NBEA: variants seen among roughly 807,000 people sequenced by gnomAD.
NBEA encodes lysosomal-trafficking regulator 2.
A neutral mutation model predicts 343.4 loss-of-function variants in NBEA; 44 were observed. That is an observed-to-expected ratio of 0.13 (90% confidence interval 0.10 to 0.16). The LOEUF (loss-of-function observed/expected upper bound fraction) is 0.16. Among genes scored for constraint, NBEA ranks in the 10% least tolerant of loss-of-function variants. The pLI is 1.00. For missense variants in NBEA, 2,555 were observed against 3,631.3 expected (o/e 0.70, Z 7.62); for synonymous variants, 1,175 against 1,238.7 (o/e 0.95, Z 1.08).
intron 38 of NBEA, among the ~76,000 whole-genome samples, chr13:35,365,385 T>C (rs1354627544): frequency 6.6e-6 from 1 of 151,728 alleles, no homozygotes; most frequent in Non-Finnish European, 1.5e-5. Flanking sequence ...AACTGCTCCT[T>C]GGCTTACAAA....
At chr13:35,214,720 G>C (rs531868142) in intron 33 of NBEA, among the ~76,000 whole-genome samples, 4 of 151,446 alleles carry the variant, frequency 2.6e-5, no homozygotes, top group African/African-American at 9.7e-5. Context: ...AAATAGTTTC[G>C]TCTTTTATGA....
intron 28 of NBEA, among the ~76,000 whole-genome samples, chr13:35,178,728 A>T (rs1039662449): frequency 1.3e-5 from 2 of 151,530 alleles, no homozygotes; most frequent in African/African-American, 4.8e-5. Flanking sequence ...ATAAATAATG[A>T]AGGTTTTTTT....
intron 1 of NBEA, among the ~76,000 whole-genome samples, chr13:34,953,079 A>C (rs565033100): frequency 3.3e-5 from 5 of 152,312 alleles, no homozygotes; most frequent in Middle Eastern, 3.4e-3. Context: ...CAGTGATAGA[A>C]TCTTTACATG....
At position 35,645,878 on chromosome 13, in the gene NBEA, G is replaced by A. The variant is rs753921685; in HGVS notation, c.7627G>A (p.Ala2543Thr). ...TTTTTTCCCCATTAAGATTCCAGAA[G>A]CTTATTTCATTAGAGACCCCCACAC... ...TDPVLREIPE[A>T]YFIRDPHTFL... Residue 2543 changes from alanine to threonine, a missense_variant, in exon 50 of 59, where the codon GCT becomes ACT. Coordinates refer to ENST00000379939, the MANE Select transcript of NBEA (RefSeq NM_001385012.1). The A allele has an allele frequency of 3.8e-6, 6 of 1,570,510 alleles. No homozygotes were observed. The highest frequency in any genetic ancestry group is 4.5e-5 in the East Asian group (2 of 44,252).
intron 36 of NBEA, among the ~76,000 whole-genome samples, chr13:35,322,755 G>T (rs1227222094): frequency 6.6e-6 from 1 of 152,104 alleles, no homozygotes; most frequent in Non-Finnish European, 1.5e-5. Context: ...TAAATAAAAT[G>T]TTATTTATCT....
chr13:35,145,566 A>G (rs2068369336), intron 18 of NBEA, among the ~76,000 whole-genome samples: 1 of 152,164 alleles, frequency 6.6e-6, no homozygotes, highest in Non-Finnish European at 1.5e-5. Context: ...TTGCCAAGGC[A>G]TTTCTGAACA....
At chr13:35,109,254 G>A (rs1274531382) in intron 11 of NBEA, 36 bp from the exon 12 acceptor site, 1 of 1,517,748 alleles carries the variant, frequency 6.6e-7, no homozygotes, top group Non-Finnish European at 8.9e-7. Context: ...TGATATTCTG[G>A]ATGTTTCAAG....
intron 34 of NBEA, among the ~76,000 whole-genome samples, chr13:35,241,857 A>G (rs765988918): frequency 2.6e-5 from 4 of 151,952 alleles, no homozygotes; most frequent in Non-Finnish European, 5.9e-5. Flanking sequence ...AACACAGTGC[A>G]GCATACATGA....
intron 39 of NBEA, among the ~76,000 whole-genome samples, chr13:35,447,466 C>T (rs1044612691): frequency 6.6e-6 from 1 of 151,090 alleles, no homozygotes; most frequent in African/African-American, 2.4e-5. Context: ...TTCTGTATTA[C>T]ATAACATTTT....
At chr13:35,495,008 CAAAAAAAAA>C (rs2076626865) in intron 41 of NBEA, among the ~76,000 whole-genome samples, 1 of 145,116 alleles carries the variant, frequency 6.9e-6, no homozygotes, top group African/African-American at 2.5e-5. Flanking sequence ...GAGACTCTGT[CAAAAAAAAA>C]GAAAAGAAAA....
intron 38 of NBEA, among the ~76,000 whole-genome samples, chr13:35,358,571 A>C (rs2040626791): frequency 6.6e-6 from 1 of 151,856 alleles, no homozygotes; most frequent in Non-Finnish European, 1.5e-5. Flanking sequence ...TATAAAAATT[A>C]GCTGGGCATG....
intron 57 of NBEA, among the ~76,000 whole-genome samples, chr13:35,667,926 T>C (rs2085434964): frequency 6.6e-6 from 1 of 152,214 alleles, no homozygotes; most frequent in Admixed American, 6.5e-5. Context: ...AAACAAAAAT[T>C]ACATATACCC....
In NBEA at chr13:35,109,707, T is replaced by A. The variant is rs543602914; in HGVS notation, c.1833+265T>A. On this transcript the variant is annotated intron_variant, in intron 12 of 58. Transcript: ENST00000379939. ...TTACTTTTCAATGAAGAAAATTTGC[T>A]ATACCAATTTTTGAAAGACTAGGAA... Among the ~76,000 whole-genome samples the A allele has an allele frequency of 4.9e-3, 746 of 152,268 alleles. 3 individuals are homozygous for A. Among genetic ancestry groups the A allele is most frequent in the Non-Finnish European group, 9.2e-3 (627 of 67,998 alleles).
Position 35,452,025 on chromosome 13 carries a change from T to A in NBEA, c.6305-67T>A, listed in dbSNP as rs1350972591. Reference sequence around the variant, plus strand: ...ATAATTTAATAAAGCAATCAATTATTTATAATACCTACTATAAGCAGAAAC... The same window carrying A: ...ATAATTTAATAAAGCAATCAATTATATATAATACCTACTATAAGCAGAAAC... On this transcript the variant is annotated intron_variant, in intron 39 of 58. Coordinates refer to ENST00000379939, the MANE Select transcript of NBEA (RefSeq NM_001385012.1). 2.7e-6 allele frequency: 3 copies of A among 1,126,058 alleles called. No homozygotes were observed. In the African/African-American group the frequency reaches 4.7e-5, roughly 18 times the overall value. The allele number at this position is 1,126,058 out of a possible 1,614,324, so 69.8% of individuals were successfully genotyped here.
At chr13:35,351,090 T>C (rs1402424430) in intron 37 of NBEA, among the ~76,000 whole-genome samples, 1 of 152,016 alleles carries the variant, frequency 6.6e-6, no homozygotes, top group Non-Finnish European at 1.5e-5. Flanking sequence ...TAATCCTTCT[T>C]AGATTACTGT....
At chr13:35,048,747 G>T in intron 5 of NBEA, 63 bp downstream of exon 5, 2 of 914,134 alleles carry the variant, frequency 2.2e-6, no homozygotes, top group Non-Finnish European at 3.3e-6. Context: ...TAAATGTATA[G>T]TCTCAAGGCA....
intron 41 of NBEA, among the ~76,000 whole-genome samples, chr13:35,487,470 A>G (rs915358731): frequency 3.3e-5 from 5 of 151,970 alleles, no homozygotes; most frequent in South Asian, 4.1e-4. Flanking sequence ...ATATCAGGGC[A>G]GGAAAGAACT....
At chr13:35,133,706 G>A (rs1241121138) in intron 17 of NBEA, among the ~76,000 whole-genome samples, 1 of 151,948 alleles carries the variant, frequency 6.6e-6, no homozygotes, top group Admixed American at 6.6e-5. Flanking sequence ...ACATAATAAT[G>A]ATGCAATTTA....
chr13:35,218,117 C>G (rs1370573008), intron 33 of NBEA, among the ~76,000 whole-genome samples: 1 of 152,066 alleles, frequency 6.6e-6, no homozygotes, highest in Non-Finnish European at 1.5e-5. Context: ...TGGGGGAGCT[C>G]ACCTCATTGG....
Sources: gnomAD v4.1 joint callset for allele counts (sites outside exome capture counted in the v4.1 genomes callset) on GRCh38, gnomAD v4.1.1 for gene constraint, MANE v1.5 for transcripts, NCBI Gene and HGNC (gene_info 2026-07-23, HGNC 2026-07-21) for gene names.